Variants in FGGY observed in about 807,000 individuals in gnomAD.
The protein encoded by FGGY is FGGY carbohydrate kinase domain containing, also known as FGGY carbohydrate kinase domain-containing protein.
A neutral mutation model predicts 71.3 loss-of-function variants in FGGY; 72 were observed. That is an observed-to-expected ratio of 1.01 (90% CI 0.84 to 1.23). The LOEUF (loss-of-function observed/expected upper bound fraction) is 1.23, where lower values mean the gene tolerates loss of function less well. Among genes scored for constraint, FGGY ranks in the 50% most tolerant of loss-of-function variants. The pLI, the probability that FGGY is intolerant of heterozygous loss-of-function variation, is 0.00. For synonymous variants in FGGY, 251 were observed against 250.3 expected (o/e 1.00, Z -0.02); for missense variants, 668 against 682.3 (o/e 0.98, Z 0.23).
At chr1:59,722,119 G>T (rs527796536) in intron 14 of FGGY, among the ~76,000 whole-genome samples, 118 of 151,590 alleles carry the variant, frequency 7.8e-4, no homozygotes, top group Non-Finnish European at 1.5e-3. Context: ...TTTTTGAGGA[G>T]TACTGGTCAG....
chr1:59,324,416 AC>A (rs1365174406), intron 2 of FGGY, among the ~76,000 whole-genome samples: 1 of 148,622 alleles, frequency 6.7e-6, no homozygotes, highest in East Asian at 2.0e-4. Context: ...AGCTGGGACT[AC>A]AGGCGCCCGC....
intron 5 of FGGY, among the ~76,000 whole-genome samples, chr1:59,442,422 TTTTG>T (rs538851501): frequency 7.0e-6 from 1 of 143,190 alleles, no homozygotes; most frequent in African/African-American, 2.9e-5. Flanking sequence ...GTTTGTTTGT[TTTTG>T]TTTTTGTTTT....
intron 14 of FGGY, among the ~76,000 whole-genome samples, chr1:59,727,003 A>T (rs1359984222): frequency 6.6e-6 from 1 of 152,128 alleles, no homozygotes; most frequent in South Asian, 2.1e-4. Flanking sequence ...TAGTGAGCAT[A>T]GTACACAATA....
At chr1:59,425,344 T>C (rs2066166105) in intron 5 of FGGY, among the ~76,000 whole-genome samples, 1 of 152,232 alleles carries the variant, frequency 6.6e-6, no homozygotes, top group Admixed American at 6.5e-5. Context: ...AAGTGTGTTT[T>C]GGGGATTTCT....
chr1:59,520,383 G>A (rs1327067978), intron 7 of FGGY, among the ~76,000 whole-genome samples: 3 of 152,146 alleles, frequency 2.0e-5, no homozygotes, highest in Non-Finnish European at 2.9e-5. Context: ...GGACAACTTG[G>A]CCGTCTTTCA....
chr1:59,329,166 T>C (rs779319564), intron 2 of FGGY, among the ~76,000 whole-genome samples: 1 of 152,220 alleles, frequency 6.6e-6, no homozygotes, highest in Non-Finnish European at 1.5e-5. Context: ...GAGGCATACC[T>C]CAAACTGCGG....
intron 7 of FGGY, among the ~76,000 whole-genome samples, chr1:59,532,891 A>G (rs1305188781): frequency 1.3e-5 from 2 of 152,218 alleles, no homozygotes; most frequent in Admixed American, 1.3e-4. Context: ...ATAAAATATT[A>G]AAATTAATAA....
intron 6 of FGGY, among the ~76,000 whole-genome samples, chr1:59,491,293 G>A (rs2093853900): frequency 1.3e-5 from 2 of 151,222 alleles, no homozygotes; most frequent in Admixed American, 1.3e-4. Context: ...ATTACGTTGA[G>A]TGTGTAGGTT....
intron 5 of FGGY, among the ~76,000 whole-genome samples, chr1:59,450,400 TC>T (rs1352373041): frequency 1.4e-4 from 21 of 148,764 alleles, no homozygotes. Flanking sequence ...TTGTATTTAC[TC>T]ACATATTTAG....
chr1:59,374,709 G>T (rs2058337887), intron 4 of FGGY, among the ~76,000 whole-genome samples: 2 of 152,040 alleles, frequency 1.3e-5, no homozygotes, highest in Non-Finnish European at 2.9e-5. Flanking sequence ...ATACACCATG[G>T]AATACTATGC....
chr1:59,474,872 A>G (rs1454752564), intron 6 of FGGY, among the ~76,000 whole-genome samples: 1 of 152,238 alleles, frequency 6.6e-6, no homozygotes. Context: ...TTTCTGCCAT[A>G]TGTAACTTTG....
At chr1:59,352,178 G>A (rs1009852394) in intron 4 of FGGY, among the ~76,000 whole-genome samples, 2 of 152,160 alleles carry the variant, frequency 1.3e-5, no homozygotes, top group African/African-American at 4.8e-5. Flanking sequence ...TGTCAGGCTT[G>A]AGCAGCTGGG....
chr1:59,363,639 T>C (rs185488946), intron 4 of FGGY, among the ~76,000 whole-genome samples: 2 of 152,272 alleles, frequency 1.3e-5, no homozygotes, highest in East Asian at 1.9e-4. Context: ...GAGTAGCATA[T>C]TGCATGATCA....
At chr1:59,342,134 T>C (rs1305919944) in intron 3 of FGGY, among the ~76,000 whole-genome samples, 2 of 152,200 alleles carry the variant, frequency 1.3e-5, no homozygotes, top group East Asian at 3.9e-4. Flanking sequence ...ATTTTTATTC[T>C]GGCTGTGCAT....
chr1:59,597,874 A>G (rs1486403969), intron 8 of FGGY, among the ~76,000 whole-genome samples: 1 of 152,208 alleles, frequency 6.6e-6, no homozygotes, highest in African/African-American at 2.4e-5. Context: ...TAGAGAACTA[A>G]TTCATAATTA....
intron 14 of FGGY, among the ~76,000 whole-genome samples, chr1:59,676,314 A>G (rs745890486): frequency 1.3e-5 from 2 of 152,124 alleles, no homozygotes; most frequent in Non-Finnish European, 2.9e-5. Flanking sequence ...CTCTGGGTCT[A>G]TATCTTATCC....
intron 3 of FGGY, among the ~76,000 whole-genome samples, chr1:59,345,136 A>G (rs1240125885): frequency 6.6e-6 from 1 of 152,208 alleles, no homozygotes; most frequent in African/African-American, 2.4e-5. Flanking sequence ...ATGTGATGAT[A>G]TGTGTAAAAT....
chr1:59,698,601 A>G, intron 14 of FGGY: 1 of 183,886 alleles, frequency 5.4e-6, no homozygotes, highest in Non-Finnish European at 1.0e-5. Flanking sequence ...TCCCCTCTGA[A>G]GTTGGGCGTC....
intron 2 of FGGY, among the ~76,000 whole-genome samples, chr1:59,322,735 A>G (rs1440998950): frequency 2.6e-5 from 4 of 152,156 alleles, no homozygotes; most frequent in Admixed American, 2.0e-4. Flanking sequence ...TGGGAAGGAA[A>G]GCAATGCTTC....
Sources: gnomAD v4.1 joint callset for allele counts (sites outside exome capture counted in the v4.1 genomes callset) on GRCh38, gnomAD v4.1.1 for gene constraint, MANE v1.5 for transcripts, NCBI Gene and HGNC (gene_info 2026-07-23, HGNC 2026-07-21) for gene names.